The following HIPK2 variants were observed in gnomAD, a reference collection of about 807,000 sequenced individuals.
The protein encoded by HIPK2 is homeodomain-interacting protein kinase 2.
HIPK2 carries 27 observed loss-of-function variants against 113.7 expected under a neutral mutation model. The observed-to-expected ratio is 0.24, with a 90% CI of 0.17 to 0.33. HIPK2 has a LOEUF of 0.33. Ranked by LOEUF, HIPK2 falls within the 10% of genes least tolerant of loss-of-function variation. The pLI, the probability that HIPK2 is intolerant of heterozygous loss-of-function variation, is 1.00. For missense variants in HIPK2, 1,257 were observed against 1,588.0 expected (o/e 0.79, Z 3.54); for synonymous variants, 631 against 642.2 (o/e 0.98, Z 0.26).
chr7:139,667,423 T>C (rs10267067), intron 2 of HIPK2, among the ~76,000 whole-genome samples: 1,687 of 152,316 alleles, frequency 0.011, 32 homozygotes, highest in African/African-American at 0.039. Flanking sequence ...TATAAAAATA[T>C]TCATGGCTGG....
chr7:139,774,017 T>C (rs1296689249), intron 1 of HIPK2, among the ~76,000 whole-genome samples: 1 of 152,074 alleles, frequency 6.6e-6, no homozygotes, highest in East Asian at 1.9e-4. Context: ...TCAATGCAAA[T>C]AAAGAATCTG....
intron 2 of HIPK2, among the ~76,000 whole-genome samples, chr7:139,659,152 C>T (rs1317586598): frequency 6.6e-6 from 1 of 152,200 alleles, no homozygotes; most frequent in Non-Finnish European, 1.5e-5. Context: ...CTGAGGAGCA[C>T]TACCTTAATG....
At chr7:139,709,544 A>G (rs1569478555) in intron 2 of HIPK2, among the ~76,000 whole-genome samples, 1 of 152,204 alleles carries the variant, frequency 6.6e-6, no homozygotes, top group Non-Finnish European at 1.5e-5. Context: ...TCCCAGTTTC[A>G]GCTAATGAGG....
intron 1 of HIPK2, among the ~76,000 whole-genome samples, chr7:139,767,402 G>A (rs184784226): frequency 8.5e-5 from 13 of 152,288 alleles, no homozygotes; most frequent in South Asian, 2.1e-4. Flanking sequence ...GCAAATACAC[G>A]CTCAAGGAAC....
At chr7:139,684,925 C>T (rs1380599794) in intron 2 of HIPK2, among the ~76,000 whole-genome samples, 1 of 152,180 alleles carries the variant, frequency 6.6e-6, no homozygotes, top group Non-Finnish European at 1.5e-5. Flanking sequence ...ACAACACTCC[C>T]TTCAGCCAAA....
chr7:139,697,863 A>ATTTTTT (rs1206821973), intron 2 of HIPK2, among the ~76,000 whole-genome samples: 9 of 135,312 alleles, frequency 6.7e-5, no homozygotes, highest in East Asian at 2.0e-4. Flanking sequence ...TCTTAATGGA[A>ATTTTTT]TTTTTTTTTT....
intron 2 of HIPK2, among the ~76,000 whole-genome samples, chr7:139,691,750 G>A (rs1794410413): frequency 6.6e-6 from 1 of 152,246 alleles, no homozygotes; most frequent in Non-Finnish European, 1.5e-5. Context: ...CAGGGACAGG[G>A]CAGATTCTCA....
intron 7 of HIPK2, among the ~76,000 whole-genome samples, chr7:139,616,450 TCTAGA>T (rs1800046416): frequency 6.6e-6 from 1 of 152,168 alleles, no homozygotes; most frequent in Non-Finnish European, 1.5e-5. Flanking sequence ...AACCTTACCT[TCTAGA>T]CTTATCTCCC....
chr7:139,707,436 C>T (rs760944691), intron 2 of HIPK2, among the ~76,000 whole-genome samples: 8 of 152,380 alleles, frequency 5.3e-5, no homozygotes, highest in South Asian at 4.1e-4. Flanking sequence ...ACTGCTGCGA[C>T]GCAGCGACCT....
intron 9 of HIPK2, among the ~76,000 whole-genome samples, chr7:139,608,884 G>GT (rs1384147948): frequency 1.3e-5 from 2 of 152,200 alleles, no homozygotes; most frequent in Non-Finnish European, 2.9e-5. Flanking sequence ...CAAGCCAACA[G>GT]TTTGTTTTCA....
intron 13 of HIPK2, among the ~76,000 whole-genome samples, chr7:139,578,290 G>A (rs771569341): frequency 7.9e-5 from 12 of 152,190 alleles, no homozygotes; most frequent in Non-Finnish European, 1.5e-4. Context: ...TTATAGGCAT[G>A]AGCCACCGCG....
intron 12 of HIPK2, among the ~76,000 whole-genome samples, chr7:139,585,892 T>C (rs1487282020): frequency 3.9e-5 from 6 of 152,106 alleles, no homozygotes; most frequent in African/African-American, 1.4e-4. Context: ...CAAAGAAAAT[T>C]AAAACTCATG....
chr7:139,617,404 T>C (rs1800095088), intron 7 of HIPK2, among the ~76,000 whole-genome samples: 2 of 152,138 alleles, frequency 1.3e-5, no homozygotes, highest in Admixed American at 6.5e-5. Context: ...TTTCCAAAAA[T>C]GGAAGAAGTG....
At chr7:139,708,401 A>G (rs1794968794) in intron 2 of HIPK2, among the ~76,000 whole-genome samples, 1 of 152,108 alleles carries the variant, frequency 6.6e-6, no homozygotes, top group African/African-American at 2.4e-5. Flanking sequence ...TTAGCTGCAG[A>G]GCTTGTCCAA....
intron 13 of HIPK2, among the ~76,000 whole-genome samples, chr7:139,581,319 T>G (rs1345712438): frequency 6.6e-6 from 1 of 151,824 alleles, no homozygotes; most frequent in African/African-American, 2.4e-5. Context: ...TGTCGGTGAG[T>G]CGGGTGAAGG....
intron 2 of HIPK2, among the ~76,000 whole-genome samples, chr7:139,710,541 T>C (rs556207618): frequency 6.6e-6 from 1 of 152,236 alleles, no homozygotes; most frequent in South Asian, 2.1e-4. Flanking sequence ...TCTTGGCAGT[T>C]GGTTTGTGTT....
Position 139,597,013 on chromosome 7 carries a change from C to G in HIPK2, c.2436-15G>C, listed in dbSNP as rs1799242785. On this transcript the variant is annotated splice_polypyrimidine_tract_variant and intron_variant, in intron 11 of 14. Coordinates refer to ENST00000406875, the MANE Select transcript of HIPK2 (RefSeq NM_022740.5). The stretch of plus-strand genomic sequence containing the variant: ...TGGAGACATTTCTGTAATGAGAAAA[C>G]CACACTCTCACACAGAGGAAGGTCA... The G allele has an allele frequency of 1.3e-6, 2 of 1,581,900 alleles. No individual in the cohort carries two copies. Among genetic ancestry groups the G allele is most frequent in the East Asian group, 4.5e-5 (2 of 44,126 alleles).
At chr7:139,718,511 T>C (rs550178805) in intron 1 of HIPK2, among the ~76,000 whole-genome samples, 1 of 152,354 alleles carries the variant, frequency 6.6e-6, no homozygotes, top group South Asian at 2.1e-4. Context: ...TTCCTGAATC[T>C]ACATCATCCT....
chr7:139,715,860 A>C, intron 2 of HIPK2, 72 bp downstream of exon 2: 2 of 1,549,776 alleles, frequency 1.3e-6, no homozygotes, highest in Non-Finnish European at 1.7e-6. Context: ...CCCCACAGTG[A>C]CTAAGGTGGC....
Sources: allele counts gnomAD v4.1 joint callset (sites outside exome capture counted in the v4.1 genomes callset), GRCh38; gene constraint gnomAD v4.1.1; transcripts MANE v1.5; gene names NCBI Gene and HGNC (gene_info 2026-07-23, HGNC 2026-07-21).